Variants in SIPA1L2 observed in about 807,000 individuals in gnomAD.
The protein encoded by SIPA1L2 is signal-induced proliferation-associated 1-like protein 2.
Under a neutral mutation model 163.9 loss-of-function variants are expected in SIPA1L2, and 56 were observed. The observed-to-expected ratio is 0.34, with a 90% CI of 0.28 to 0.43. The LOEUF (loss-of-function observed/expected upper bound fraction) is 0.43, where lower values mean the gene tolerates loss of function less well. SIPA1L2 is among the 20% of genes least tolerant of loss of function. SIPA1L2 has a pLI of 1.00. For synonymous variants in SIPA1L2, 877 were observed against 865.7 expected (o/e 1.01, Z -0.23); for missense variants, 1,974 against 2,193.5 (o/e 0.90, Z 2.00).
intron 10 of SIPA1L2, among the ~76,000 whole-genome samples, chr1:232,448,190 C>A (rs569312582): frequency 3.3e-5 from 5 of 152,196 alleles, no homozygotes; most frequent in African/African-American, 7.2e-5. Context: ...AAGGTTCCCA[C>A]CAACTGCACA....
chr1:232,481,802 A>G (rs1020329349), intron 6 of SIPA1L2, among the ~76,000 whole-genome samples: 8 of 152,192 alleles, frequency 5.3e-5, no homozygotes, highest in African/African-American at 2.4e-5. Context: ...TGTTCAAGAG[A>G]GAAAACCCAT....
intron 2 of SIPA1L2, among the ~76,000 whole-genome samples, chr1:232,558,931 G>A (rs974866598): frequency 1.3e-5 from 2 of 152,198 alleles, no homozygotes; most frequent in African/African-American, 4.8e-5. Context: ...GGTTTCACCA[G>A]TACTAAATTA....
intron 2 of SIPA1L2, among the ~76,000 whole-genome samples, chr1:232,546,802 C>A (rs1403320869): frequency 6.6e-6 from 1 of 152,146 alleles, no homozygotes; most frequent in African/African-American, 2.4e-5. Flanking sequence ...GATAACCGCA[C>A]AGCACTATGA....
At chr1:232,410,101 G>T (rs540126200) in intron 19 of SIPA1L2, among the ~76,000 whole-genome samples, 3 of 151,676 alleles carry the variant, frequency 2.0e-5, no homozygotes, top group African/African-American at 7.3e-5. Flanking sequence ...AAATGTCAAA[G>T]ATTCCAGTAT....
In SIPA1L2 at chr1:232,439,194, A is replaced by C. The variant is rs1662742886; in HGVS notation, c.3945T>G (p.Ser1315=). 2 of 1,613,826 alleles carry C rather than the reference A, an allele frequency of 1.2e-6. No homozygotes were observed. ...GPDDEPAKLY[S]VHGYASTISA... is the part of the protein sequence containing the mutation. ...AGATGGTGGACGCGTAGCCATGCAC[A>C]GAATATAACTTGGCTGGCTCGTCGT... Residue 1315 remains serine, a synonymous_variant, in exon 15 of 23, where the codon TCT becomes TCG. Coordinates refer to ENST00000674635, the MANE Select transcript of SIPA1L2 (RefSeq NM_020808.5).
At chr1:232,451,531 A>G (rs1003914946) in intron 10 of SIPA1L2, among the ~76,000 whole-genome samples, 4 of 152,174 alleles carry the variant, frequency 2.6e-5, no homozygotes, top group Admixed American at 2.0e-4. Flanking sequence ...AGACATTTCT[A>G]AAAAAACAAG....
At chr1:232,480,569 T>C (rs976711216) in intron 6 of SIPA1L2, among the ~76,000 whole-genome samples, 3 of 152,222 alleles carry the variant, frequency 2.0e-5, no homozygotes, top group Non-Finnish European at 4.4e-5. Context: ...GAAACTAACC[T>C]GCTGACTATA....
intron 18 of SIPA1L2, among the ~76,000 whole-genome samples, chr1:232,423,242 G>A (rs1010779380): frequency 2.0e-5 from 3 of 152,158 alleles, no homozygotes; most frequent in African/African-American, 7.2e-5. Flanking sequence ...AGGTTAGGTC[G>A]CCATATACGT....
At chr1:232,539,568 C>T (rs1283482239) in intron 2 of SIPA1L2, among the ~76,000 whole-genome samples, 2 of 152,136 alleles carry the variant, frequency 1.3e-5, no homozygotes, top group African/African-American at 2.4e-5. Flanking sequence ...CAGAGCATCA[C>T]CAGGCCAATA....
At chr1:232,430,611 G>A (rs1662173194) in intron 16 of SIPA1L2, among the ~76,000 whole-genome samples, 1 of 152,156 alleles carries the variant, frequency 6.6e-6, no homozygotes, top group South Asian at 2.1e-4. Context: ...AGTCCTGTAT[G>A]ACTGCCTTGC....
At chr1:232,540,159 C>T (rs1298862387) in intron 2 of SIPA1L2, among the ~76,000 whole-genome samples, 1 of 152,056 alleles carries the variant, frequency 6.6e-6, no homozygotes, top group Non-Finnish European at 1.5e-5. Flanking sequence ...CAAAATTTAG[C>T]CGGGCGTGGT....
At chr1:232,629,798 A>C (rs1339004141) in intron 1 of SIPA1L2, among the ~76,000 whole-genome samples, 71 bp downstream of exon 1, 3 of 151,598 alleles carry the variant, frequency 2.0e-5, no homozygotes, top group Non-Finnish European at 2.9e-5. Context: ...CCTTCGGGAC[A>C]GTCCCCGCCT....
intron 2 of SIPA1L2, among the ~76,000 whole-genome samples, chr1:232,544,293 G>C (rs1657885529): frequency 6.6e-6 from 1 of 152,216 alleles, no homozygotes; most frequent in Admixed American, 6.5e-5. Context: ...CGGGCGCAAT[G>C]GCTCATGCCT....
At position 232,458,143 on chromosome 1, in the gene SIPA1L2, C is replaced by T. The variant is rs548789649; in HGVS notation, c.3095+2744G>A. On this transcript the variant is annotated intron_variant, in intron 10 of 22. Coordinates refer to ENST00000674635, the MANE Select transcript of SIPA1L2 (RefSeq NM_020808.5). ...AATCCTTCTGGCTAAGGTTAAAAGA[C>T]AGTTATTACAGATTAATTGGGAAAA... Among the ~76,000 whole-genome samples, 45 of 151,100 alleles carry T rather than the reference C, an allele frequency of 3.0e-4. 2 individuals carry two copies. In the South Asian group the frequency reaches 4.5e-3, roughly 15 times the overall value.
intron 2 of SIPA1L2, among the ~76,000 whole-genome samples, chr1:232,537,250 T>TA (rs202211347): frequency 0.02 from 3,009 of 152,138 alleles, 104 homozygotes; most frequent in African/African-American, 0.067. Flanking sequence ...AATAAATAAA[T>TA]AATAATAATT....
chr1:232,474,613 T>A lies in SIPA1L2; in HGVS notation c.2086-3085A>T, dbSNP rs12024877. Among the ~76,000 whole-genome samples, 5,550 of 152,252 alleles carry A rather than the reference T, an allele frequency of 0.036. 954 individuals carry two copies. The East Asian group carries it at 0.56, about 15-fold the overall frequency. ...GTATTTCAAAGCAGCTGCAAAAAAA[T>A]TTGAAATGTTCTCAACACAAAGATA... is the stretch of plus-strand genomic sequence containing the variant. On this transcript the variant is annotated intron_variant, in intron 7 of 22. Transcript: ENST00000674635.
At position 232,441,378 on chromosome 1, in the gene SIPA1L2, G is replaced by A. The variant is rs1187571464; in HGVS notation, c.3555C>T (p.Gly1185=). The A allele has an allele frequency of 1.2e-6, 2 of 1,600,978 alleles. No individual in the cohort carries two copies. The highest frequency in any genetic ancestry group is 2.7e-5 in the African/African-American group (2 of 73,716). ...ASRHPETKWH[G]PPSKVLGSYK... ...AGGAACCCAGGACTTTGGAAGGTGG[G>A]CCATGCCATTTGGTTTCTGTCACAT... The change falls in exon 14 of 23, where the codon GGC becomes GGT. Residue 1185 remains glycine (G), a synonymous_variant. Transcript: ENST00000674635.
intron 5 of SIPA1L2, among the ~76,000 whole-genome samples, chr1:232,485,032 T>C (rs1665574885): frequency 6.6e-6 from 1 of 152,210 alleles, no homozygotes; most frequent in South Asian, 2.1e-4. Context: ...AATGACAACA[T>C]ACTATGCAAG....
At chr1:232,415,332 C>G (rs1661183178) in intron 19 of SIPA1L2, among the ~76,000 whole-genome samples, 162 bp downstream of exon 19, 1 of 152,156 alleles carries the variant, frequency 6.6e-6, no homozygotes, top group African/African-American at 2.4e-5. Flanking sequence ...GTCCTCACAG[C>G]CCAAGCCAGC....
Sources: gnomAD v4.1 joint callset for allele counts (sites outside exome capture counted in the v4.1 genomes callset) on GRCh38, gnomAD v4.1.1 for gene constraint, MANE v1.5 for transcripts, NCBI Gene and HGNC (gene_info 2026-07-23, HGNC 2026-07-21) for gene names.